ELAVL2: variants seen among roughly 807,000 people sequenced by gnomAD.
ELAVL2 encodes the protein ELAV like RNA binding protein 2.
A neutral mutation model predicts 34.6 loss-of-function variants in ELAVL2; 4 were observed. The observed-to-expected ratio is 0.12, with a 90% confidence interval of 0.06 to 0.26. ELAVL2 has a LOEUF of 0.26. Among genes scored for constraint, ELAVL2 ranks in the 10% least tolerant of loss-of-function variants. ELAVL2 has a pLI of 1.00. For missense variants in ELAVL2, 432 were observed against 442.8 expected (o/e 0.98, Z 0.22); for synonymous variants, 193 against 154.8 (o/e 1.25, Z -1.83).
chr9:23,717,667 G>T (rs182839977), intron 3 of ELAVL2, among the ~76,000 whole-genome samples: 1 of 152,192 alleles, frequency 6.6e-6, no homozygotes, highest in Admixed American at 6.5e-5. Flanking sequence ...GAGGCCTCTA[G>T]ACAGCAAGTG....
At chr9:23,723,031 G>T (rs981970430) in intron 3 of ELAVL2, among the ~76,000 whole-genome samples, 11 of 152,164 alleles carry the variant, frequency 7.2e-5, no homozygotes, top group African/African-American at 2.4e-4. Context: ...CAGTGGGAAA[G>T]TAAAGCAACA....
Position 23,705,358 on chromosome 9 carries a change from A to T in ELAVL2, c.334-287T>A, listed in dbSNP as rs112465219. Among the ~76,000 whole-genome samples the T allele has an allele frequency of 1.5e-3, 234 of 152,332 alleles. 2 individuals carry two copies. The highest frequency in any genetic ancestry group is 5.3e-3 in the African/African-American group (222 of 41,576). On this transcript the variant is annotated intron_variant, in intron 3 of 6. Transcript: ENST00000397312. The stretch of plus-strand genomic sequence containing the variant: ...CACAATATATCCCATCCTCCAGATT[A>T]TTACTAAAAATGGTCAATGGGTCTG...
intron 3 of ELAVL2, among the ~76,000 whole-genome samples, chr9:23,728,360 A>C (rs1194976901): frequency 6.6e-6 from 1 of 152,130 alleles, no homozygotes; most frequent in African/African-American, 2.4e-5. Context: ...AATGAGTGTG[A>C]AAGGGTATAC....
At chr9:23,733,600 C>A (rs2047132609) in intron 2 of ELAVL2, among the ~76,000 whole-genome samples, 1 of 152,146 alleles carries the variant, frequency 6.6e-6, no homozygotes, top group Non-Finnish European at 1.5e-5. Context: ...CCTATTACTT[C>A]AAAGAAACAG....
At chr9:23,737,043 C>G (rs956758686) in intron 2 of ELAVL2, among the ~76,000 whole-genome samples, 3 of 152,186 alleles carry the variant, frequency 2.0e-5, no homozygotes, top group Admixed American at 1.3e-4. Flanking sequence ...CAGTGCTCCT[C>G]TCGACTAGTC....
chr9:23,838,158 A>G, the ELAVL2 span, among the ~76,000 whole-genome samples: 1 of 152,184 alleles, frequency 6.6e-6, no homozygotes, highest in Admixed American at 6.5e-5. Context: ...TTACTAGAAC[A>G]TTAAACAATG....
At chr9:23,752,353 G>C (rs895980132) in intron 2 of ELAVL2, among the ~76,000 whole-genome samples, 1 of 152,132 alleles carries the variant, frequency 6.6e-6, no homozygotes, top group African/African-American at 2.4e-5. Flanking sequence ...CCTAGCAGGA[G>C]GAAGCAAAGG....
In ELAVL2 at chr9:23,713,224, G is replaced by A. The variant is rs1397958852; in HGVS notation, c.334-8153C>T. Among the ~76,000 whole-genome samples the A allele has an allele frequency of 2.0e-5, 3 of 152,092 alleles. No individual in the cohort carries two copies. In the East Asian group the frequency reaches 5.8e-4, roughly 29 times the overall value. On this transcript the variant is annotated intron_variant, in intron 3 of 6. Transcript: ENST00000397312. ...ACTGGTAAAGGCAAATGGGATACAT[G>A]GTAAAGATATTCTTGAAATGCAACT... is the stretch of plus-strand genomic sequence containing the variant.
intron 1 of ELAVL2, among the ~76,000 whole-genome samples, chr9:23,803,130 T>G (rs192085015): frequency 1.2e-3 from 178 of 152,260 alleles, no homozygotes; most frequent in Non-Finnish European, 2.0e-3. Flanking sequence ...CTACTCTCCT[T>G]ACCTTCAAAG....
At chr9:23,704,238 T>A (rs972471601) in intron 4 of ELAVL2, among the ~76,000 whole-genome samples, 4 of 152,044 alleles carry the variant, frequency 2.6e-5, no homozygotes, top group African/African-American at 9.7e-5. Context: ...GGCCAAGTAT[T>A]GCTTTTATAA....
intron 1 of ELAVL2, among the ~76,000 whole-genome samples, chr9:23,808,320 C>G (rs762934209): frequency 2.0e-4 from 31 of 152,084 alleles, no homozygotes; most frequent in African/African-American, 7.0e-4. Context: ...CCAATAAACT[C>G]TAAGTTTCAT....
chr9:23,824,345 G>A (rs1042999845), intron 1 of ELAVL2, among the ~76,000 whole-genome samples: 1 of 152,144 alleles, frequency 6.6e-6, no homozygotes, highest in African/African-American at 2.4e-5. Flanking sequence ...GCGAGGTCTC[G>A]TCCGCCGCGG....
At chr9:23,728,790 G>T (rs142514924) in intron 3 of ELAVL2, among the ~76,000 whole-genome samples, 1 of 152,010 alleles carries the variant, frequency 6.6e-6, no homozygotes, top group Admixed American at 6.6e-5. Context: ...ACAGGCAAAG[G>T]GGGTGCTATA....
intron 1 of ELAVL2, among the ~76,000 whole-genome samples, chr9:23,797,021 C>A (rs1255559288): frequency 6.6e-6 from 1 of 152,140 alleles, no homozygotes; most frequent in East Asian, 1.9e-4. Context: ...ACAAGCATGA[C>A]ATGGTAGCCA....
intron 1 of ELAVL2, among the ~76,000 whole-genome samples, chr9:23,812,909 G>T (rs1027007459): frequency 3.9e-5 from 6 of 152,214 alleles, no homozygotes; most frequent in African/African-American, 9.6e-5. Flanking sequence ...TGCCAGGAGA[G>T]CAGGGTTTTA....
At chr9:23,754,059 T>C (rs191142058) in intron 2 of ELAVL2, among the ~76,000 whole-genome samples, 1 of 152,228 alleles carries the variant, frequency 6.6e-6, no homozygotes, top group African/African-American at 2.4e-5. Flanking sequence ...ATTTACACCA[T>C]AGGTTCAACT....
chr9:23,846,273 T>TA, the ELAVL2 span, among the ~76,000 whole-genome samples: 2 of 151,860 alleles, frequency 1.3e-5, no homozygotes, highest in Non-Finnish European at 2.9e-5. Flanking sequence ...GAGGGCAGTT[T>TA]AAAAAATCCC....
intron 1 of ELAVL2, among the ~76,000 whole-genome samples, chr9:23,783,207 G>A (rs2059288708): frequency 6.6e-6 from 1 of 152,162 alleles, no homozygotes; most frequent in South Asian, 2.1e-4. Flanking sequence ...ACATTAATAA[G>A]CAGAATTATC....
At chr9:23,744,404 CT>C (rs2135335500) in intron 2 of ELAVL2, among the ~76,000 whole-genome samples, 1 of 152,214 alleles carries the variant, frequency 6.6e-6, no homozygotes, top group South Asian at 2.1e-4. Flanking sequence ...AAGAGTTTTC[CT>C]ATTTTGTTGC....
Sources: gnomAD v4.1 joint callset for allele counts (sites outside exome capture counted in the v4.1 genomes callset) on GRCh38, gnomAD v4.1.1 for gene constraint, MANE v1.5 for transcripts, NCBI Gene and HGNC (gene_info 2026-07-23, HGNC 2026-07-21) for gene names.